SNRPD3: variants seen among roughly 807,000 people sequenced by gnomAD.
SNRPD3 encodes small nuclear ribonucleoprotein D3 polypeptide, also known as small nuclear ribonucleoprotein Sm D3.
For synonymous variants in SNRPD3, 66 were observed against 58.4 expected (o/e 1.13, Z -0.59); for missense variants, 73 against 167.5 (o/e 0.44, Z 3.11).
At chr22:24,555,908 C>G, upstream of SNRPD3, 3 of 1,407,550 alleles carry the variant, frequency 2.1e-6, no homozygotes, top group East Asian at 2.5e-5. Flanking sequence ...GAAGCGGAGG[C>G]GAGACCGCGC....
At chr22:24,565,580 A>G (rs2045189538) in intron 2 of SNRPD3, among the ~76,000 whole-genome samples, 2 of 152,194 alleles carry the variant, frequency 1.3e-5, no homozygotes, top group Non-Finnish European at 1.5e-5. Context: ...GATCTCACCT[A>G]TAGGTCTTTA....
At position 24,567,993 on chromosome 22, in the gene SNRPD3, A is replaced by G. The variant is rs2147128622; in HGVS notation, c.136A>G (p.Ile46Val). Residue 46 changes from isoleucine (I) to valine (V), a missense_variant, in exon 3 of 4, where the codon ATC becomes GTC. Transcript: ENST00000215829. ...GGTGATTTCCTTCCAGATGTCCAAC[A>G]TCACAGTCACATACAGAGATGGCCG... ...EDNMNCQMSN[I>V]TVTYRDGRVA... The G allele has an allele frequency of 2.5e-6, 4 of 1,595,662 alleles. No individual in the cohort carries two copies. Among genetic ancestry groups the G allele is most frequent in the Non-Finnish European group, 2.6e-6 (3 of 1,169,936 alleles).
chr22:24,557,054 C>T (rs958465287), intron 1 of SNRPD3, among the ~76,000 whole-genome samples: 4 of 152,162 alleles, frequency 2.6e-5, no homozygotes. Context: ...TGTGCATGGT[C>T]CTTTGGTCTG....
intron 2 of SNRPD3, among the ~76,000 whole-genome samples, chr22:24,561,059 C>CTTTTCTTTTTTTT (rs2045137055): frequency 2.1e-5 from 2 of 93,286 alleles, no homozygotes; most frequent in East Asian, 5.7e-4. Context: ...TTTCCTTTTT[C>CTTTTCTTTTTTTT]TTTTCTTTTT....
At chr22:24,560,723 T>C (rs867682659) in intron 2 of SNRPD3, among the ~76,000 whole-genome samples, 55,300 of 88,318 alleles carry the variant, frequency 0.63, 20,457 homozygotes, top group East Asian at 0.78. Flanking sequence ...GCCTTTTTTT[T>C]TTTTTTTTTT....
At chr22:24,555,884 G>T, upstream of SNRPD3, 1 of 1,511,394 alleles carries the variant, frequency 6.6e-7, no homozygotes, top group Non-Finnish European at 8.9e-7. Flanking sequence ...CCAGCCGGCA[G>T]GCGGAGTGAG....
chr22:24,566,843 T>C (rs1390493898), intron 2 of SNRPD3, among the ~76,000 whole-genome samples: 1 of 152,204 alleles, frequency 6.6e-6, no homozygotes, highest in African/African-American at 2.4e-5. Context: ...ACCTTCAGGC[T>C]CCCCATTTGT....
chr22:24,568,662 G>T (rs936300244), intron 3 of SNRPD3, among the ~76,000 whole-genome samples: 6 of 151,644 alleles, frequency 4.0e-5, no homozygotes, highest in Admixed American at 6.6e-5. Flanking sequence ...GGTTCAAGCA[G>T]TTCTCTGCCT....
At chr22:24,560,363 C>G (rs1212971339) in intron 2 of SNRPD3, among the ~76,000 whole-genome samples, 1 of 148,792 alleles carries the variant, frequency 6.7e-6, no homozygotes, top group Non-Finnish European at 1.5e-5. Flanking sequence ...ACCTTGTGAT[C>G]TGCTCGCCTC....
intron 2 of SNRPD3, among the ~76,000 whole-genome samples, chr22:24,563,202 ATATATG>A (rs1214252263): frequency 0.2 from 27,839 of 138,098 alleles, 3,203 homozygotes; most frequent in Non-Finnish European, 0.27. Context: ...ACCCTGTCTC[ATATATG>A]TGTGTGTGTG....
At chr22:24,571,430 T>C (rs2045248550) in intron 3 of SNRPD3, among the ~76,000 whole-genome samples, 1 of 151,898 alleles carries the variant, frequency 6.6e-6, no homozygotes, top group Admixed American at 6.6e-5. Flanking sequence ...TCCGTCTCCA[T>C]CCCCCCTGTT....
intron 1 of SNRPD3, 38 bp from the exon 2 acceptor site, chr22:24,557,617 ACT>A: frequency 6.5e-7 from 1 of 1,530,530 alleles, no homozygotes; most frequent in South Asian, 1.1e-5. Flanking sequence ...GCCTTTTCAG[ACT>A]CTGAAAGATG....
At chr22:24,555,688 C>G, upstream of SNRPD3, 1 of 1,550,686 alleles carries the variant, frequency 6.4e-7, no homozygotes, top group Non-Finnish European at 8.7e-7. Flanking sequence ...CTGCTGTCCC[C>G]GGTCTGAGGG....
chr22:24,562,668 C>T (rs986986696), intron 2 of SNRPD3, among the ~76,000 whole-genome samples: 2 of 152,072 alleles, frequency 1.3e-5, no homozygotes, highest in Non-Finnish European at 2.9e-5. Context: ...AAGCTCTGGT[C>T]GCACCACTGC....
At chr22:24,566,637 A>C (rs986115395) in intron 2 of SNRPD3, among the ~76,000 whole-genome samples, 1 of 152,264 alleles carries the variant, frequency 6.6e-6, no homozygotes, top group Non-Finnish European at 1.5e-5. Context: ...ATGAATGAGT[A>C]TAAGATGGCA....
chr22:24,564,470 G>A (rs908815749), intron 2 of SNRPD3, among the ~76,000 whole-genome samples: 11 of 152,194 alleles, frequency 7.2e-5, no homozygotes, highest in Admixed American at 5.9e-4. Context: ...GCTGCCTTGG[G>A]CTTGTGATAC....
At chr22:24,563,725 G>A (rs1277826999) in intron 2 of SNRPD3, among the ~76,000 whole-genome samples, 2 of 139,392 alleles carry the variant, frequency 1.4e-5, no homozygotes, top group Admixed American at 7.1e-5. Context: ...CAGACATTGT[G>A]CTTTTGGGGC....
intron 2 of SNRPD3, among the ~76,000 whole-genome samples, chr22:24,559,433 G>A (rs1430114406): frequency 6.6e-6 from 1 of 152,224 alleles, no homozygotes; most frequent in East Asian, 1.9e-4. Flanking sequence ...TTGGGTTAGT[G>A]AAGCTTAATG....
At chr22:24,565,277 C>A (rs915378943) in intron 2 of SNRPD3, among the ~76,000 whole-genome samples, 8 of 151,922 alleles carry the variant, frequency 5.3e-5, no homozygotes, top group African/African-American at 1.9e-4. Context: ...GCCATGTAAG[C>A]GTGGTGTGAC....
Sources: gnomAD v4.1 joint callset for allele counts (sites outside exome capture counted in the v4.1 genomes callset) on GRCh38, gnomAD v4.1.1 for gene constraint, MANE v1.5 for transcripts, NCBI Gene and HGNC (gene_info 2026-07-23, HGNC 2026-07-21) for gene names.